GSK3A: variants seen among roughly 807,000 people sequenced by gnomAD.
The protein encoded by GSK3A is glycogen synthase kinase-3 alpha.
Under a neutral mutation model 56.6 loss-of-function variants are expected in GSK3A, and 14 were observed. That is an observed-to-expected ratio of 0.25 (90% CI 0.16 to 0.39). GSK3A has a LOEUF of 0.39. Ranked by LOEUF, GSK3A falls within the 10% of genes least tolerant of loss-of-function variation. The probability of loss-of-function intolerance (pLI) is 1.00; values close to 1 mark genes in which losing one functional copy is unlikely to be tolerated. For missense variants in GSK3A, 450 were observed against 656.0 expected (o/e 0.69, Z 3.43); for synonymous variants, 301 against 285.0 (o/e 1.06, Z -0.56).
At chr19:42,233,837 T>A (rs1452438425) in intron 6 of GSK3A, among the ~76,000 whole-genome samples, 1 of 152,222 alleles carries the variant, frequency 6.6e-6, no homozygotes, top group East Asian at 1.9e-4. Flanking sequence ...CAGCACGAGT[T>A]CATACCTAAG....
intron 6 of GSK3A, among the ~76,000 whole-genome samples, chr19:42,233,755 C>G (rs2036239900): frequency 6.6e-6 from 1 of 152,152 alleles, no homozygotes; most frequent in Admixed American, 6.5e-5. Flanking sequence ...CTTGTTCCAG[C>G]CTCTCTCCTG....
chr19:42,242,227 G>C lies in GSK3A; in HGVS notation c.239C>G (p.Pro80Arg), dbSNP rs2036297286. Residue 80 changes from proline to arginine, a missense_variant, in exon 1 of 11, where the codon CCC becomes CGC. Pro to Arg is a moderately radical substitution (Grantham distance 103). Around this residue, in one of 3 missense-constraint regions of GSK3A, gnomAD observed 193 missense variants for 200.5 expected, o/e 0.96. Coordinates refer to ENST00000222330, the MANE Select transcript of GSK3A (RefSeq NM_019884.3). ...GGSGGGGSGG[P>R]GAGTSFPPPG... ...CGGCGGGAAGCTAGTGCCTGCGCCGGGGCCTCCGCTGCCTCCTCCGCCGCT... is the reference window on the plus strand; with the variant it reads ...CGGCGGGAAGCTAGTGCCTGCGCCGCGGCCTCCGCTGCCTCCTCCGCCGCT... 1.4e-6 allele frequency: 2 copies of C among 1,443,282 alleles called. No homozygotes were observed. The highest frequency in any genetic ancestry group is 1.8e-6 in the Non-Finnish European group (2 of 1,102,932). 89.4% of individuals were successfully genotyped at this position (1,443,282 alleles called of 1,614,324 possible).
rs55744031 is a variant in GSK3A, at chr19:42,236,711, G to A, written c.561C>T (p.Asp187=). ...CCAGCACCAGATTTAGGTAAAGCTC[G>A]TCTTTCTGCAGGGAGCAAAGGAGAG... ...YFFYSSGEKK[D]ELYLNLVLEY... is the part of the protein sequence containing the mutation. The change falls in exon 4 of 11, where the codon GAC becomes GAT. Residue 187 remains aspartate (D), a synonymous_variant. Coordinates refer to ENST00000222330, the MANE Select transcript of GSK3A (RefSeq NM_019884.3). The A allele has an allele frequency of 3.6e-3, 5,754 of 1,612,084 alleles. 15 individuals carry two copies. Among genetic ancestry groups the A allele is most frequent in the Non-Finnish European group, 4.4e-3 (5,186 of 1,178,222 alleles).
intron 6 of GSK3A, 113 bp from the exon 7 acceptor site, chr19:42,233,496 A>G: frequency 2.8e-6 from 2 of 709,218 alleles, no homozygotes; most frequent in Non-Finnish European, 4.8e-6. Flanking sequence ...TTTCTCAAAG[A>G]CAAAGCACCT....
chr19:42,234,726 C>A lies in GSK3A; in HGVS notation c.667-48G>T. ...GAACTTTAGCCCAGCTTTCCCCATACAGCACCACTACCCCACCAGCTTGGC... is the reference window on the plus strand; with the variant it reads ...GAACTTTAGCCCAGCTTTCCCCATAAAGCACCACTACCCCACCAGCTTGGC... On this transcript the variant is annotated intron_variant, in intron 4 of 10. Transcript: ENST00000222330. This position sits in a 1 kb window ranked among gnomAD's most constrained non-coding sequence, Gnocchi z 5.7. 1.3e-6 allele frequency: 2 copies of A among 1,494,554 alleles called. No individual in the cohort carries two copies. Among genetic ancestry groups the A allele is most frequent in the South Asian group, 2.6e-5 (2 of 76,050 alleles). 92.6% of individuals were successfully genotyped at this position (1,494,554 alleles called of 1,614,324 possible).
At chr19:42,231,190 T>C (rs1361063925) in intron 10 of GSK3A, among the ~76,000 whole-genome samples, 1 of 152,010 alleles carries the variant, frequency 6.6e-6, no homozygotes, top group African/African-American at 2.4e-5. Context: ...TGAAACTCCA[T>C]GTCTACTCAA....
rs1391379718 is a variant in GSK3A at position 42,242,536 on chromosome 19, G to A, written c.-71C>T. 3 of 977,942 alleles carry A rather than the reference G, an allele frequency of 3.1e-6. No homozygotes were observed. Among genetic ancestry groups the A allele is most frequent in the Admixed American group, 5.7e-5 (1 of 17,394 alleles). The allele number at this position is 977,942 out of a possible 1,614,324, so 60.6% of individuals were successfully genotyped here. On this transcript the variant is annotated 5_prime_UTR_variant, in exon 1 of 11. Transcript: ENST00000222330. ...TGCCCCAGCCGCCGCCGCTGCCGCC[G>A]CCTCCCCCGGGCCCTGGCCTCTTCC...
In GSK3A at chr19:42,242,129, G is replaced by A; in HGVS notation, c.283+54C>T. On this transcript the variant is annotated intron_variant, in intron 1 of 10. Coordinates refer to ENST00000222330, the MANE Select transcript of GSK3A (RefSeq NM_019884.3). ...ACATGAAAGAATCTGATGGATGTCT[G>A]AGGAGCTTTGGGAACCCTAATCACC... is the stretch of plus-strand genomic sequence containing the variant. 20 of 1,279,120 alleles carry A rather than the reference G, an allele frequency of 1.6e-5. No homozygotes were observed. The South Asian group carries it at 4.5e-4, about 29-fold the overall frequency. The allele number at this position is 1,279,120 out of a possible 1,614,324, so 79.2% of individuals were successfully genotyped here.
At position 42,235,519 on chromosome 19, in the gene GSK3A, C is replaced by G. The variant is rs2036251793; in HGVS notation, c.667-841G>C. 2.0e-5 allele frequency among the ~76,000 whole-genome samples: 3 copies of G among 152,200 alleles called. No individual in the cohort carries two copies. In the South Asian group the frequency reaches 6.2e-4, roughly 32 times the overall value. ...TGCATCCCCCAGGGCCTAGACAGAC[C>G]AGGTCCTGACATGGCTGCTTCCTAG... is the stretch of plus-strand genomic sequence containing the variant. On this transcript the variant is annotated intron_variant, in intron 4 of 10. Coordinates refer to ENST00000222330, the MANE Select transcript of GSK3A (RefSeq NM_019884.3).
rs2036260767 is a variant in GSK3A at position 42,236,890 on chromosome 19, G to A, written c.523C>T (p.Leu175=). The A allele has an allele frequency of 1.2e-6, 2 of 1,613,062 alleles. No individual in the cohort carries two copies. Among genetic ancestry groups the A allele is most frequent in the African/African-American group, 1.3e-5 (1 of 74,886 alleles). ...CCACTGGAGTAGAAAAAGTATCTCAGCCTCACAATATTGCAGTGGTCCAGC... is the reference window on the plus strand; with the variant it reads ...CCACTGGAGTAGAAAAAGTATCTCAACCTCACAATATTGCAGTGGTCCAGC... The part of the protein sequence containing the change: ...RKLDHCNIVR[L]RYFFYSSGEK... The change falls in exon 3 of 11, where the codon CTG becomes TTG. Residue 175 remains leucine, a synonymous_variant. Coordinates refer to ENST00000222330, the MANE Select transcript of GSK3A (RefSeq NM_019884.3).
At position 42,230,628 on chromosome 19, in the gene GSK3A, G is replaced by A. The variant is rs1439485191; in HGVS notation, c.*166C>T. 4.8e-6 allele frequency: 3 copies of A among 630,200 alleles called. No homozygotes were observed. The highest frequency in any genetic ancestry group is 1.8e-5 in the African/African-American group (1 of 54,612). The allele number at this position is 630,200 out of a possible 1,614,324, so 39.0% of individuals were successfully genotyped here. A position where few individuals can be genotyped will look rare whatever the true frequency, so the allele number is the denominator to read the frequency against. On this transcript the variant is annotated 3_prime_UTR_variant, in exon 11 of 11. Coordinates refer to ENST00000222330, the MANE Select transcript of GSK3A (RefSeq NM_019884.3). ...AATCCTCTTAAAAAGCCCACCACAG[G>A]GGTGAGGCTGGTGAGGGAGGGACTG...
At chr19:42,239,298 T>C (rs2036277294) in intron 2 of GSK3A, among the ~76,000 whole-genome samples, 1 of 152,252 alleles carries the variant, frequency 6.6e-6, no homozygotes, top group Admixed American at 6.5e-5. Context: ...ACCGAGGCCC[T>C]GGTCTGGTTC....
At position 42,234,579 on chromosome 19, in the gene GSK3A, T is replaced by A. The variant is rs761840963; in HGVS notation, c.766A>T (p.Thr256Ser). 3 of 1,614,000 alleles carry A rather than the reference T, an allele frequency of 1.9e-6. No individual in the cohort carries two copies. Among genetic ancestry groups the A allele is most frequent in the Admixed American group, 1.7e-5 (1 of 60,014 alleles). Residue 256 changes from threonine (T) to serine (S), a missense_variant, in exon 5 of 11, where the codon ACT becomes TCT. Transcript: ENST00000222330. The surrounding 1 kb of genome is among the most constrained non-coding windows in gnomAD (Gnocchi z 5.7). The stretch of plus-strand genomic sequence containing the variant: ...AAATCGCAGAGCTTGAGGACAGCAG[T>A]GTCAGGGTCCACCAGCAGGTTCTGG... Reference protein sequence around the residue: ...KPQNLLVDPDTAVLKLCDFGS... With the variant: ...KPQNLLVDPDSAVLKLCDFGS...
intron 6 of GSK3A, among the ~76,000 whole-genome samples, chr19:42,233,934 G>A (rs1473001872): frequency 6.6e-6 from 1 of 152,162 alleles, no homozygotes; most frequent in Non-Finnish European, 1.5e-5. Flanking sequence ...CCTCATGCCT[G>A]GAAAATGGCA....
chr19:42,239,990 C>T lies in GSK3A; in HGVS notation c.436G>A (p.Ala146Thr). 1.2e-6 allele frequency: 2 copies of T among 1,614,174 alleles called. No homozygotes were observed. The highest frequency in any genetic ancestry group is 1.7e-6 in the Non-Finnish European group (2 of 1,180,016). ...TTGTCCTGGAGAACCTTCTTGATGG[C>T]GACTAGTTCCCTGGTCTCTGCCAGC... ...ARLAETRELV[A>T]IKKVLQDKRF... Residue 146 changes from alanine (A) to threonine (T), a missense_variant, in exon 2 of 11, where the codon GCC (alanine) becomes ACC (threonine). Transcript: ENST00000222330.
intron 6 of GSK3A, 141 bp from the exon 7 acceptor site, chr19:42,233,524 A>G (rs760467950): frequency 3.0e-5 from 19 of 632,852 alleles, no homozygotes; most frequent in Non-Finnish European, 5.1e-5. Context: ...GGTCACATGC[A>G]GCTTAGAAAC....
At chr19:42,239,076 C>G (rs1259135132) in intron 2 of GSK3A, among the ~76,000 whole-genome samples, 1 of 152,310 alleles carries the variant, frequency 6.6e-6, no homozygotes, top group Admixed American at 6.5e-5. Context: ...GTGGAAGCAT[C>G]TGGGTCCTCG....
chr19:42,231,704 C>T (rs756433286), intron 10 of GSK3A, among the ~76,000 whole-genome samples: 4 of 149,108 alleles, frequency 2.7e-5, no homozygotes, highest in African/African-American at 7.4e-5. Flanking sequence ...GCCCAGGAGG[C>T]GGAGATTGCA....
chr19:42,240,816 T>C (rs1243422466), intron 1 of GSK3A: 1 of 152,342 alleles, frequency 6.6e-6, no homozygotes, highest in Non-Finnish European at 1.5e-5. Context: ...TGGTCCCTAA[T>C]GGACAAGCAC....
Sources: allele counts gnomAD v4.1 joint callset (sites outside exome capture counted in the v4.1 genomes callset), GRCh38; gene constraint gnomAD v4.1.1; regional missense constraint gnomAD v4.1.1; non-coding constraint Gnocchi (gnomAD v3.1); transcripts MANE v1.5; gene names NCBI Gene and HGNC (gene_info 2026-07-23, HGNC 2026-07-21).